Variants in SYT1 observed in about 807,000 individuals in gnomAD.
The protein encoded by SYT1 is synaptotagmin-1.
A neutral mutation model predicts 44.8 loss-of-function variants in SYT1; 8 were observed. The observed-to-expected ratio is 0.18, with a 90% CI of 0.10 to 0.32. SYT1 has a LOEUF of 0.32. Among genes scored for constraint, SYT1 ranks in the 10% least tolerant of loss-of-function variants. The pLI, the probability that SYT1 is intolerant of heterozygous loss-of-function variation, is 1.00. For missense variants in SYT1, 286 were observed against 509.3 expected (o/e 0.56, Z 4.22); for synonymous variants, 154 against 188.8 (o/e 0.82, Z 1.51).
intron 3 of SYT1, among the ~76,000 whole-genome samples, chr12:79,095,143 G>A (rs753278788): frequency 6.6e-6 from 1 of 151,808 alleles, no homozygotes; most frequent in Non-Finnish European, 1.5e-5. Context: ...TTCATGAGAG[G>A]GAAGAGGATC....
intron 1 of SYT1, among the ~76,000 whole-genome samples, chr12:78,956,271 A>G (rs1490408862): frequency 6.6e-6 from 1 of 152,098 alleles, no homozygotes; most frequent in East Asian, 1.9e-4. Context: ...ATTTTAACAT[A>G]AGATATTAAT....
chr12:79,330,462 A>G (rs569447562), intron 8 of SYT1, among the ~76,000 whole-genome samples: 1 of 152,306 alleles, frequency 6.6e-6, no homozygotes, highest in East Asian at 1.9e-4. Flanking sequence ...TTCACTACAT[A>G]GAAGAAAGAG....
At chr12:78,953,686 T>C (rs1879080173) in intron 1 of SYT1, among the ~76,000 whole-genome samples, 1 of 151,870 alleles carries the variant, frequency 6.6e-6, no homozygotes, top group Non-Finnish European at 1.5e-5. Flanking sequence ...AACACAAATA[T>C]TACTTAGCCA....
chr12:78,925,011 T>TATATGATTA (rs1309560956), intron 1 of SYT1, among the ~76,000 whole-genome samples: 1 of 151,946 alleles, frequency 6.6e-6, no homozygotes, highest in Non-Finnish European at 1.5e-5. Context: ...TATAATTATC[T>TATATGATTA]ATATGAATAA....
chr12:79,288,750 A>G (rs1404834854), intron 5 of SYT1, among the ~76,000 whole-genome samples: 1 of 152,176 alleles, frequency 6.6e-6, no homozygotes, highest in Non-Finnish European at 1.5e-5. Flanking sequence ...CACGGTTTTC[A>G]CTAATGTGTG....
At chr12:79,232,352 C>T (rs546431175) in intron 4 of SYT1, among the ~76,000 whole-genome samples, 6 of 152,368 alleles carry the variant, frequency 3.9e-5, no homozygotes, top group South Asian at 2.1e-4. Context: ...AGCAGGACAG[C>T]GATGGCTCTT....
At position 78,912,106 on chromosome 12, in the gene SYT1, GA is replaced by G. The variant is rs144868298; in HGVS notation, c.-217+47000del. ...TACAATTTAGAATTGGGATATATAA[GA>G]AAGATAATATCAGGGATGGAATGTT... On this transcript the variant is annotated intron_variant, in intron 1 of 10. Transcript: ENST00000261205. Among the ~76,000 whole-genome samples, 1,458 of 151,948 alleles carry G rather than the reference GA, an allele frequency of 9.6e-3. 21 individuals carry two copies. The highest frequency in any genetic ancestry group is 0.033 in the African/African-American group (1,363 of 41,488).
chr12:79,419,122 G>A (rs1210241819), intron 9 of SYT1: 2 of 375,328 alleles, frequency 5.3e-6, no homozygotes, highest in East Asian at 8.1e-5. Context: ...TAGGCAAAAC[G>A]AAACCAATAG....
At chr12:78,885,159 T>G (rs780015327) in intron 1 of SYT1, among the ~76,000 whole-genome samples, 3 of 151,788 alleles carry the variant, frequency 2.0e-5, no homozygotes, top group Admixed American at 6.6e-5. Context: ...GTTTCAGTAT[T>G]AATAAGTTAT....
At chr12:79,347,722 G>A (rs1241972546) in intron 8 of SYT1, among the ~76,000 whole-genome samples, 2 of 152,194 alleles carry the variant, frequency 1.3e-5, no homozygotes, top group Non-Finnish European at 2.9e-5. Context: ...GAACACAGCA[G>A]TAAGAAAAAC....
intron 9 of SYT1, among the ~76,000 whole-genome samples, chr12:79,406,819 A>G (rs1201381557): frequency 6.6e-6 from 1 of 152,154 alleles, no homozygotes; most frequent in Non-Finnish European, 1.5e-5. Flanking sequence ...AAGTGAGTTA[A>G]TATTTGAAAG....
At chr12:79,253,867 C>G (rs1420045075) in intron 4 of SYT1, among the ~76,000 whole-genome samples, 1 of 152,130 alleles carries the variant, frequency 6.6e-6, no homozygotes, top group Non-Finnish European at 1.5e-5. Flanking sequence ...CTAGCTACAA[C>G]TACCTAATTT....
chr12:78,903,361 C>T (rs923911973), intron 1 of SYT1, among the ~76,000 whole-genome samples: 2 of 151,964 alleles, frequency 1.3e-5, no homozygotes, highest in Non-Finnish European at 2.9e-5. Context: ...TCTTGGCTCA[C>T]TGCAACCTCT....
chr12:79,031,211 C>T (rs1872809229), intron 2 of SYT1, among the ~76,000 whole-genome samples: 2 of 151,158 alleles, frequency 1.3e-5, no homozygotes, highest in African/African-American at 4.8e-5. Context: ...AATTATTTGA[C>T]TTCTCTCATG....
At chr12:78,885,416 G>A (rs894907432) in intron 1 of SYT1, among the ~76,000 whole-genome samples, 25 of 151,338 alleles carry the variant, frequency 1.7e-4, no homozygotes, top group African/African-American at 6.1e-4. Flanking sequence ...AGGAGGACAG[G>A]TGCTATTAAT....
chr12:79,451,080 C>G lies in SYT1; in HGVS notation c.*1956C>G, dbSNP rs187511605. 6.6e-6 allele frequency: 1 copy of G among 152,282 alleles called. No homozygotes were observed. Among genetic ancestry groups the G allele is most frequent in the African/African-American group, 2.4e-5 (1 of 41,558 alleles). 9.4% of individuals were successfully genotyped at this position (152,282 alleles called of 1,614,324 possible). On this transcript the variant is annotated 3_prime_UTR_variant, in exon 11 of 11. Coordinates refer to ENST00000261205, the MANE Select transcript of SYT1 (RefSeq NM_005639.3). ...AAAACTAAAGAGAATTCAAAAAGGG[C>G]TGATGGTAGGCTTTGAACATGGGGT...
intron 4 of SYT1, among the ~76,000 whole-genome samples, chr12:79,235,193 TG>T (rs1379559301): frequency 1.3e-5 from 2 of 152,242 alleles, no homozygotes; most frequent in African/African-American, 4.8e-5. Flanking sequence ...TTTTCTAAAG[TG>T]GTTTTATTAT....
chr12:79,269,433 G>T (rs1226163656), intron 4 of SYT1, among the ~76,000 whole-genome samples: 1 of 152,038 alleles, frequency 6.6e-6, no homozygotes, highest in Non-Finnish European at 1.5e-5. Flanking sequence ...CATCCTTTCT[G>T]TGTTCTCTGT....
At chr12:79,266,700 A>G (rs1302656594) in intron 4 of SYT1, among the ~76,000 whole-genome samples, 2 of 152,234 alleles carry the variant, frequency 1.3e-5, no homozygotes, top group East Asian at 3.8e-4. Flanking sequence ...GGAAACAAAA[A>G]GAAAAACTGC....
Sources: gnomAD v4.1 joint callset for allele counts (sites outside exome capture counted in the v4.1 genomes callset) on GRCh38, gnomAD v4.1.1 for gene constraint, MANE v1.5 for transcripts, NCBI Gene and HGNC (gene_info 2026-07-23, HGNC 2026-07-21) for gene names.